Variants in CNTNAP5 observed in about 807,000 individuals in gnomAD.
The protein encoded by CNTNAP5 is contactin-associated protein-like 5.
CNTNAP5 carries 72 observed loss-of-function variants against 150.2 expected under a neutral mutation model. The observed-to-expected ratio is 0.48, with a 90% CI of 0.40 to 0.58. The LOEUF is 0.58. Ranked by LOEUF, CNTNAP5 falls within the 20% of genes least tolerant of loss-of-function variation. The pLI, the probability that CNTNAP5 is intolerant of heterozygous loss-of-function variation, is 0.00. For missense variants in CNTNAP5, 1,636 were observed against 1,626.2 expected, an observed-to-expected ratio of 1.01 and a Z score of -0.10; for synonymous variants, 672 against 619.8, an observed-to-expected ratio of 1.08 and a Z score of -1.25.
chr2:124,706,483 G>A (rs887424158), intron 13 of CNTNAP5, among the ~76,000 whole-genome samples: 9 of 151,894 alleles, frequency 5.9e-5, no homozygotes, highest in Admixed American at 2.0e-4. Flanking sequence ...ATGGTGGCTC[G>A]TGCCTCTAAT....
chr2:124,516,744 T>G (rs1380688381), intron 8 of CNTNAP5, among the ~76,000 whole-genome samples: 2 of 152,228 alleles, frequency 1.3e-5, no homozygotes, highest in Non-Finnish European at 2.9e-5. Context: ...CTTGCAACAT[T>G]GATTATGATC....
At chr2:124,598,213 A>G (rs2104969056) in intron 11 of CNTNAP5, among the ~76,000 whole-genome samples, 1 of 139,110 alleles carries the variant, frequency 7.2e-6, no homozygotes, top group Admixed American at 7.7e-5. Context: ...GGAGGAGGAG[A>G]GGCGCTCTGC....
rs538969837 is a variant in CNTNAP5 at position 124,346,633 on chromosome 2, G to A, written c.382-70810G>A. Among the ~76,000 whole-genome samples the A allele has an allele frequency of 8.9e-4, 136 of 151,984 alleles. 1 individual carries two copies. The highest frequency in any genetic ancestry group is 1.7e-3 in the Non-Finnish European group (117 of 68,016). ...CTGCTTGCTCTCCTAATTAACATTA[G>A]GTAAAATGGAGAGCTAGGGGAAAAG... is the stretch of plus-strand genomic sequence containing the variant. On this transcript the variant is annotated intron_variant, in intron 3 of 23. Coordinates refer to ENST00000682447, the MANE Select transcript of CNTNAP5 (RefSeq NM_001367498.1).
intron 1 of CNTNAP5, among the ~76,000 whole-genome samples, chr2:124,074,627 T>A (rs1682392990): frequency 1.3e-5 from 2 of 152,094 alleles, no homozygotes; most frequent in African/African-American, 4.8e-5. Flanking sequence ...CTTTGGCATT[T>A]ATCAGTGTCA....
intron 1 of CNTNAP5, among the ~76,000 whole-genome samples, chr2:124,216,717 A>G (rs1054336212): frequency 6.6e-6 from 1 of 152,074 alleles, no homozygotes; most frequent in Non-Finnish European, 1.5e-5. Flanking sequence ...AAGGACATGA[A>G]CTCATCATTT....
intron 1 of CNTNAP5, among the ~76,000 whole-genome samples, chr2:124,168,096 G>A (rs1345259550): frequency 6.6e-6 from 1 of 152,136 alleles, no homozygotes; most frequent in African/African-American, 2.4e-5. Flanking sequence ...TCTTGCTATA[G>A]GAAACACATC....
chr2:124,692,275 G>T (rs1420153472), intron 13 of CNTNAP5, among the ~76,000 whole-genome samples: 1 of 152,066 alleles, frequency 6.6e-6, no homozygotes, highest in Non-Finnish European at 1.5e-5. Flanking sequence ...AGCTCATGTG[G>T]CCCACTGTTT....
At chr2:124,251,983 A>G (rs533101862) in intron 3 of CNTNAP5, among the ~76,000 whole-genome samples, 2 of 152,304 alleles carry the variant, frequency 1.3e-5, no homozygotes, top group Non-Finnish European at 2.9e-5. Context: ...CCTCCCTTGA[A>G]TATGAAGCAT....
chr2:124,211,802 C>T (rs78271609), intron 1 of CNTNAP5, among the ~76,000 whole-genome samples: 2 of 152,024 alleles, frequency 1.3e-5, no homozygotes, highest in African/African-American at 4.8e-5. Context: ...CAGAGATGTT[C>T]GTTTTATTTT....
intron 4 of CNTNAP5, among the ~76,000 whole-genome samples, chr2:124,419,171 A>G (rs1293691002): frequency 6.7e-6 from 1 of 150,002 alleles, no homozygotes; most frequent in Non-Finnish European, 1.5e-5. Flanking sequence ...AAACAGTATG[A>G]AGCTTTTATG....
intron 3 of CNTNAP5, among the ~76,000 whole-genome samples, chr2:124,402,734 C>T (rs1312209694): frequency 6.6e-6 from 1 of 152,176 alleles, no homozygotes; most frequent in Non-Finnish European, 1.5e-5. Flanking sequence ...CAAGTAGATA[C>T]ACACATATGC....
rs1038535259 is a variant in CNTNAP5 at position 124,447,304 on chromosome 2, A to G, written c.918+367A>G. On this transcript the variant is annotated intron_variant, in intron 6 of 23. Coordinates refer to ENST00000682447, the MANE Select transcript of CNTNAP5 (RefSeq NM_001367498.1). ...TGTGGTGATGAAAGATATTTACATT[A>G]TAAACAAAACCCATGGAATCTAAAA... Among the ~76,000 whole-genome samples the G allele has an allele frequency of 3.3e-5, 5 of 152,236 alleles. No homozygotes were observed. In the South Asian group the frequency reaches 1.0e-3, roughly 32 times the overall value.
At position 124,612,699 on chromosome 2, in the gene CNTNAP5, T is replaced by G. The variant is rs545376938; in HGVS notation, c.1876+2779T>G. Among the ~76,000 whole-genome samples the G allele has an allele frequency of 2.0e-5, 3 of 152,296 alleles. No individual in the cohort carries two copies. In the East Asian group the frequency reaches 5.8e-4, roughly 29 times the overall value. ...GTATTTATTTTGAATATGATTTTTT[T>G]GGGTCATATTCAGCTGCACGATGTC... On this transcript the variant is annotated intron_variant, in intron 12 of 23. Coordinates refer to ENST00000682447, the MANE Select transcript of CNTNAP5 (RefSeq NM_001367498.1).
intron 19 of CNTNAP5, among the ~76,000 whole-genome samples, chr2:124,834,245 G>T (rs1420307508): frequency 6.6e-6 from 1 of 152,118 alleles, no homozygotes; most frequent in Non-Finnish European, 1.5e-5. Flanking sequence ...CTTCAAATTT[G>T]AGTGGTTCAT....
chr2:124,529,923 C>A (rs938799197), intron 10 of CNTNAP5, among the ~76,000 whole-genome samples: 1 of 152,162 alleles, frequency 6.6e-6, no homozygotes, highest in African/African-American at 2.4e-5. Context: ...TCCCGCCCTG[C>A]CAGCTTTTGT....
At chr2:124,470,184 C>A (rs930806369) in intron 6 of CNTNAP5, among the ~76,000 whole-genome samples, 1 of 152,164 alleles carries the variant, frequency 6.6e-6, no homozygotes, top group Non-Finnish European at 1.5e-5. Flanking sequence ...AATTTGCTCT[C>A]CCATCAATAG....
intron 3 of CNTNAP5, among the ~76,000 whole-genome samples, chr2:124,401,478 A>G (rs1691424307): frequency 1.3e-5 from 2 of 152,358 alleles, no homozygotes; most frequent in Middle Eastern, 3.4e-3. Flanking sequence ...CTACTTATAT[A>G]CAAAAGTTCA....
At chr2:124,740,598 T>C (rs141689013) in intron 13 of CNTNAP5, among the ~76,000 whole-genome samples, 210 of 152,288 alleles carry the variant, frequency 1.4e-3, no homozygotes, top group Non-Finnish European at 2.6e-3. Flanking sequence ...CACCTTGAAA[T>C]TAGAGCCATC....
In CNTNAP5 at chr2:124,620,090, C is replaced by T. The variant is rs76381580; in HGVS notation, c.1876+10170C>T. Among the ~76,000 whole-genome samples, 675 of 151,706 alleles carry T rather than the reference C, an allele frequency of 4.4e-3. 6 individuals carry two copies. The highest frequency in any genetic ancestry group is 0.015 in the African/African-American group (621 of 41,264). Reference sequence around the variant, plus strand: ...CACTGCATTATAATGCAGTGTTTACCTATGTGTCCCCACAGGGCTGTGAGC... The same window carrying T: ...CACTGCATTATAATGCAGTGTTTACTTATGTGTCCCCACAGGGCTGTGAGC... On this transcript the variant is annotated intron_variant, in intron 12 of 23. Transcript: ENST00000682447.
Sources: allele counts gnomAD v4.1 joint callset (sites outside exome capture counted in the v4.1 genomes callset), GRCh38; gene constraint gnomAD v4.1.1; transcripts MANE v1.5; gene names NCBI Gene and HGNC (gene_info 2026-07-23, HGNC 2026-07-21).